ZNF675: variants seen among roughly 807,000 people sequenced by gnomAD.
The protein encoded by ZNF675 is zinc finger protein 675.
ZNF675 carries 36 observed loss-of-function variants against 56.1 expected under a neutral mutation model. The ratio of observed to expected loss-of-function variants is 0.64; its 90% CI spans 0.49 to 0.85. The LOEUF (loss-of-function observed/expected upper bound fraction) is 0.85. Among genes scored for constraint, ZNF675 ranks in the 40% least tolerant of loss-of-function variants. ZNF675 has a pLI of 0.00. For missense variants in ZNF675, 663 were observed against 654.2 expected (o/e 1.01, Z -0.15); for synonymous variants, 200 against 218.9 (o/e 0.91, Z 0.76).
At chr19:23,684,084 A>AC (rs1368792720) in intron 1 of ZNF675, among the ~76,000 whole-genome samples, 2 of 150,628 alleles carry the variant, frequency 1.3e-5, no homozygotes, top group Non-Finnish European at 1.5e-5. Context: ...ACACGGTGAA[A>AC]CCCCGTCTCT....
At chr19:23,671,529 A>C (rs894129200) in intron 1 of ZNF675, among the ~76,000 whole-genome samples, 2 of 152,118 alleles carry the variant, frequency 1.3e-5, no homozygotes, top group Non-Finnish European at 2.9e-5. Context: ...GTCAATGCAA[A>C]GGTACCAGTC....
At chr19:23,674,617 C>A (rs374642755) in intron 1 of ZNF675, among the ~76,000 whole-genome samples, 127 of 142,642 alleles carry the variant, frequency 8.9e-4, no homozygotes, top group African/African-American at 8.7e-4. Context: ...GACTCCGTCT[C>A]AAAAAAAAAA....
chr19:23,661,950 G>T lies in ZNF675; in HGVS notation c.226+164C>A, dbSNP rs902801873. On this transcript the variant is annotated intron_variant, in intron 3 of 3. Transcript: ENST00000359788. ...AACCTTAGAGAATTTAAAAGCATAA[G>T]ACAGAAAATGCTCAAATGTGAGAGC... The T allele has an allele frequency of 1.6e-5, 9 of 576,840 alleles. No homozygotes were observed. The African/African-American group carries it at 1.7e-4, about 11-fold the overall frequency. 35.7% of individuals were successfully genotyped at this position (576,840 alleles called of 1,614,324 possible). A position where few individuals can be genotyped will look rare whatever the true frequency, so the allele number is the denominator to read the frequency against.
At chr19:23,682,693 CT>C (rs1968392246) in intron 1 of ZNF675, among the ~76,000 whole-genome samples, 1 of 151,538 alleles carries the variant, frequency 6.6e-6, no homozygotes, top group African/African-American at 2.4e-5. Flanking sequence ...TTTAGATGGG[CT>C]CAAGCTTTAA....
chr19:23,667,437 T>G (rs1287677346), intron 1 of ZNF675, among the ~76,000 whole-genome samples: 1 of 152,148 alleles, frequency 6.6e-6, no homozygotes. Context: ...TCCTGCTGAT[T>G]GGTAGAGCCG....
chr19:23,678,126 A>G (rs1035843012), intron 1 of ZNF675, among the ~76,000 whole-genome samples: 1 of 151,578 alleles, frequency 6.6e-6, no homozygotes, highest in Non-Finnish European at 1.5e-5. Context: ...TCTTGGGGGG[A>G]AAAAAAGTCA....
intron 1 of ZNF675, among the ~76,000 whole-genome samples, chr19:23,667,465 G>A (rs902238737): frequency 6.6e-6 from 1 of 152,118 alleles, no homozygotes; most frequent in African/African-American, 2.4e-5. Context: ...TGCTTTGACA[G>A]GGCGCTGATT....
In ZNF675 at chr19:23,662,119, G is replaced by A. The variant is rs1405385182; in HGVS notation, c.221C>T (p.Pro74Leu). ...TVKRHEMVNE[P>L]PVMCSHFAQE... is the part of the protein sequence containing the mutation. ...TCACTTTCATTCTCACTTACCTGGG[G>A]GTTCATTCACCATCTCATGTCTCTT... is the stretch of plus-strand genomic sequence containing the variant. Residue 74 changes from proline (P) to leucine (L), a missense_variant, in exon 3 of 4, where the codon CCC becomes CTC. Coordinates refer to ENST00000359788, the MANE Select transcript of ZNF675 (RefSeq NM_138330.3). 3 of 1,611,722 alleles carry A rather than the reference G, an allele frequency of 1.9e-6. No homozygotes were observed. Among genetic ancestry groups the A allele is most frequent in the South Asian group, 2.2e-5 (2 of 90,954 alleles).
At chr19:23,668,774 T>C (rs1210557279) in intron 1 of ZNF675, among the ~76,000 whole-genome samples, 1 of 152,180 alleles carries the variant, frequency 6.6e-6, no homozygotes, top group African/African-American at 2.4e-5. Flanking sequence ...GCCCGGGTGC[T>C]AAGTCCCTCA....
intron 1 of ZNF675, among the ~76,000 whole-genome samples, chr19:23,674,940 C>G (rs1968276915): frequency 6.7e-6 from 1 of 149,620 alleles, no homozygotes; most frequent in Non-Finnish European, 1.5e-5. Context: ...CCAGTGCACT[C>G]CAGCCTGGGT....
rs1968455790 is a variant in ZNF675, at chr19:23,687,183, C to T, written c.-150G>A. 2.1e-6 allele frequency: 2 copies of T among 951,276 alleles called. No individual in the cohort carries two copies. Among genetic ancestry groups the T allele is most frequent in the East Asian group, 2.5e-5 (1 of 39,652 alleles). 58.9% of individuals were successfully genotyped at this position (951,276 alleles called of 1,614,324 possible). A position where few individuals can be genotyped will look rare whatever the true frequency, so the allele number is the denominator to read the frequency against. On this transcript the variant is annotated 5_prime_UTR_variant, in exon 1 of 4. Coordinates refer to ENST00000359788, the MANE Select transcript of ZNF675 (RefSeq NM_138330.3). ...CTCCGGCTGCAGCGAGAGACAAAGG[C>T]GCCGCCAAATCCCGGAAGCCATCTT... is the stretch of plus-strand genomic sequence containing the variant.
chr19:23,666,300 T>A (rs1024594156), intron 1 of ZNF675, among the ~76,000 whole-genome samples: 4 of 152,242 alleles, frequency 2.6e-5, no homozygotes, highest in Non-Finnish European at 5.9e-5. Context: ...CACCTTAGCC[T>A]CTAATTGGTT....
chr19:23,654,849 C>T, intron 3 of ZNF675, 143 bp from the exon 4 acceptor site: 1 of 515,006 alleles, frequency 1.9e-6, no homozygotes, highest in Non-Finnish European at 3.1e-6. Context: ...CAGGTGAGCA[C>T]AATGCAAAGA....
intron 1 of ZNF675, among the ~76,000 whole-genome samples, chr19:23,669,843 ACT>A (rs1372253546): frequency 1.6e-5 from 2 of 126,056 alleles, no homozygotes; most frequent in African/African-American, 3.0e-5. Flanking sequence ...ACAGAGCAAG[ACT>A]CTGTCTCAAA....
intron 1 of ZNF675, among the ~76,000 whole-genome samples, chr19:23,668,822 T>C (rs969644420): frequency 8.6e-5 from 13 of 151,984 alleles, no homozygotes; most frequent in African/African-American, 3.1e-4. Flanking sequence ...GGGCTCCGAG[T>C]GCGAGGCCCG....
chr19:23,671,306 G>A (rs930536029), intron 1 of ZNF675, among the ~76,000 whole-genome samples: 1 of 152,132 alleles, frequency 6.6e-6, no homozygotes, highest in Admixed American at 6.5e-5. Flanking sequence ...TATAACAATT[G>A]TGACCTGAAG....
chr19:23,660,827 A>T (rs1968066572), intron 3 of ZNF675, among the ~76,000 whole-genome samples: 1 of 152,236 alleles, frequency 6.6e-6, no homozygotes. Flanking sequence ...ACAGTAATAA[A>T]AAATATAATT....
At chr19:23,657,286 T>A (rs2144920628) in intron 3 of ZNF675, among the ~76,000 whole-genome samples, 1 of 152,284 alleles carries the variant, frequency 6.6e-6, no homozygotes, top group South Asian at 2.1e-4. Flanking sequence ...TTTATGTGGT[T>A]TTACAATTAA....
At chr19:23,673,093 T>A (rs1968247096) in intron 1 of ZNF675, among the ~76,000 whole-genome samples, 1 of 152,228 alleles carries the variant, frequency 6.6e-6, no homozygotes, top group Non-Finnish European at 1.5e-5. Context: ...GTGCTCTCAT[T>A]TTAATGTCTC....
Sources: allele counts gnomAD v4.1 joint callset (sites outside exome capture counted in the v4.1 genomes callset), GRCh38; gene constraint gnomAD v4.1.1; transcripts MANE v1.5; gene names NCBI Gene and HGNC (gene_info 2026-07-23, HGNC 2026-07-21).